Variants in RBFOX1 observed in about 807,000 individuals in gnomAD.
RBFOX1 encodes the protein RNA binding protein fox-1 homolog 1.
RBFOX1 carries 8 observed loss-of-function variants against 57.7 expected under a neutral mutation model. The ratio of observed to expected loss-of-function variants is 0.14; its 90% confidence interval spans 0.08 to 0.25. RBFOX1 has a LOEUF of 0.25. RBFOX1 is among the 10% of genes least tolerant of loss of function. The probability of loss-of-function intolerance (pLI) is 1.00; values close to 1 mark genes in which losing one functional copy is unlikely to be tolerated. For missense variants in RBFOX1, 611 were observed against 548.5 expected, an observed-to-expected ratio of 1.11 and a Z score of -1.14; for synonymous variants, 326 against 222.4, an observed-to-expected ratio of 1.47 and a Z score of -4.15.
At chr16:6,637,103 ATATT>A (rs146425461) in intron 2 of RBFOX1, among the ~76,000 whole-genome samples, 50,927 of 76,036 alleles carry the variant, frequency 0.67, 19,379 homozygotes, top group South Asian at 0.87. Context: ...TTAAATATAT[ATATT>A]ATATAATATA....
At chr16:6,528,119 A>G (rs1567565684) in intron 2 of RBFOX1, among the ~76,000 whole-genome samples, 1 of 152,078 alleles carries the variant, frequency 6.6e-6, no homozygotes. Context: ...CCCAACTGGA[A>G]TCCTTCCCTT....
At chr16:5,994,212 A>G (rs1318430377) in intron 4 of RBFOX1, among the ~76,000 whole-genome samples, 1 of 152,216 alleles carries the variant, frequency 6.6e-6, no homozygotes, top group Non-Finnish European at 1.5e-5. Context: ...CCCAGGTTGA[A>G]GTACAGTGGT....
chr16:7,075,605 G>C (rs577210279), intron 4 of RBFOX1, among the ~76,000 whole-genome samples: 4 of 151,980 alleles, frequency 2.6e-5, no homozygotes, highest in African/African-American at 9.6e-5. Context: ...TTATGAGACG[G>C]AGTCTCGCTC....
chr16:7,149,040 A>G (rs527353017), intron 4 of RBFOX1, among the ~76,000 whole-genome samples: 15 of 152,312 alleles, frequency 9.8e-5, no homozygotes, highest in Admixed American at 5.9e-4. Context: ...CTTCTGGTCT[A>G]CCAATTCTGC....
intron 3 of RBFOX1, among the ~76,000 whole-genome samples, chr16:6,938,759 C>T (rs937483030): frequency 1.3e-5 from 2 of 152,096 alleles, no homozygotes; most frequent in South Asian, 4.2e-4. Flanking sequence ...GGGTGAAACC[C>T]TGTCTGTACT....
intron 2 of RBFOX1, among the ~76,000 whole-genome samples, chr16:6,327,732 G>T (rs902299772): frequency 6.6e-6 from 1 of 152,138 alleles, no homozygotes; most frequent in Non-Finnish European, 1.5e-5. Flanking sequence ...AGAATACATA[G>T]ATTCTGGTGC....
chr16:5,740,881 G>A (rs543128495), intron 3 of RBFOX1, among the ~76,000 whole-genome samples: 165 of 152,306 alleles, frequency 1.1e-3, no homozygotes, highest in Non-Finnish European at 1.9e-3. Flanking sequence ...GATGACCATG[G>A]TGGCAGGGAA....
At chr16:5,439,828 C>G (rs913073960) in intron 1 of RBFOX1, among the ~76,000 whole-genome samples, 1 of 151,656 alleles carries the variant, frequency 6.6e-6, no homozygotes, top group Non-Finnish European at 1.5e-5. Context: ...GGGAAGCAAA[C>G]ATGTCCTTCT....
intron 4 of RBFOX1, among the ~76,000 whole-genome samples, chr16:5,981,557 C>T (rs967834519): frequency 6.6e-6 from 1 of 152,184 alleles, no homozygotes; most frequent in East Asian, 1.9e-4. Context: ...CAGCCTCCGC[C>T]TCCCAGGCTC....
intron 3 of RBFOX1, among the ~76,000 whole-genome samples, chr16:6,724,765 C>T (rs374738907): frequency 6.6e-6 from 1 of 151,964 alleles, no homozygotes; most frequent in African/African-American, 2.4e-5. Flanking sequence ...CTGGGGTACA[C>T]TTGCAGAATG....
chr16:5,748,305 A>G (rs1240103970), intron 3 of RBFOX1, among the ~76,000 whole-genome samples: 1 of 152,140 alleles, frequency 6.6e-6, no homozygotes, highest in African/African-American at 2.4e-5. Context: ...CTATGTGGTC[A>G]ATTTTGGAAT....
At chr16:6,478,415 ATATATATATATATATTTTT>A (rs1294854362) in intron 2 of RBFOX1, among the ~76,000 whole-genome samples, 33 of 22,200 alleles carry the variant, frequency 1.5e-3, no homozygotes, top group African/African-American at 6.7e-3. Flanking sequence ...ATATATATAT[ATATATATATATATATTTTT>A]TTTTTTTTTT....
At chr16:6,330,074 A>T (rs1442053219) in intron 2 of RBFOX1, among the ~76,000 whole-genome samples, 2 of 152,220 alleles carry the variant, frequency 1.3e-5, no homozygotes, top group Non-Finnish European at 2.9e-5. Flanking sequence ...GCAAAGAAAG[A>T]TGAAGAACAT....
chr16:7,626,921 C>T (rs1033619853), intron 10 of RBFOX1, among the ~76,000 whole-genome samples: 2 of 152,158 alleles, frequency 1.3e-5, no homozygotes, highest in African/African-American at 2.4e-5. Context: ...TTTGGCTCTA[C>T]CGCAGGTGGA....
At chr16:6,966,032 T>G (rs939740699) in intron 3 of RBFOX1, among the ~76,000 whole-genome samples, 3 of 152,138 alleles carry the variant, frequency 2.0e-5, no homozygotes, top group Admixed American at 2.0e-4. Context: ...CGGAGATACG[T>G]TTTCTTATCT....
At chr16:7,440,846 C>G (rs758012892) in intron 4 of RBFOX1, among the ~76,000 whole-genome samples, 1 of 152,106 alleles carries the variant, frequency 6.6e-6, no homozygotes, top group Non-Finnish European at 1.5e-5. Flanking sequence ...TTTTCAGGGT[C>G]CAGCGTGGCC....
At chr16:7,184,099 A>C (rs2083257293) in intron 4 of RBFOX1, among the ~76,000 whole-genome samples, 1 of 152,242 alleles carries the variant, frequency 6.6e-6, no homozygotes, top group East Asian at 1.9e-4. Context: ...GCCTGGCAGC[A>C]CAAAGATGTG....
At chr16:5,801,303 T>C (rs542702020) in intron 3 of RBFOX1, among the ~76,000 whole-genome samples, 23 of 148,678 alleles carry the variant, frequency 1.5e-4, no homozygotes, top group African/African-American at 5.6e-4. Context: ...TTATGCAGAT[T>C]TTAAAGTCTC....
chr16:7,168,162 T>C (rs1183832939), intron 4 of RBFOX1, among the ~76,000 whole-genome samples: 1 of 152,218 alleles, frequency 6.6e-6, no homozygotes, highest in African/African-American at 2.4e-5. Context: ...AGTTCACTTA[T>C]CAATGATGGC....
Sources: allele counts gnomAD v4.1 joint callset (sites outside exome capture counted in the v4.1 genomes callset), GRCh38; gene constraint gnomAD v4.1.1; transcripts MANE v1.5; gene names NCBI Gene and HGNC (gene_info 2026-07-23, HGNC 2026-07-21).